COMMD1: variants seen among roughly 807,000 people sequenced by gnomAD.
COMMD1 encodes the protein COMM domain-containing protein 1.
Under a neutral mutation model 17.2 loss-of-function variants are expected in COMMD1, and 10 were observed. That is an observed-to-expected ratio of 0.58 (90% CI 0.36 to 0.99). COMMD1 has a LOEUF of 0.99. COMMD1 is among the 50% of genes least tolerant of loss of function. The pLI is 0.01. For missense variants in COMMD1, 270 were observed against 231.8 expected (o/e 1.17, Z -1.07); for synonymous variants, 97 against 91.6 (o/e 1.06, Z -0.34).
chr2:61,956,343 A>C (rs1671197955), intron 1 of COMMD1, among the ~76,000 whole-genome samples: 1 of 152,178 alleles, frequency 6.6e-6, no homozygotes, highest in Non-Finnish European at 1.5e-5. Context: ...TTATAATATC[A>C]CATATAGTAG....
rs574410510 is a variant in COMMD1, at chr2:62,041,912, G to A, written c.462+40930G>A. Among the ~76,000 whole-genome samples the A allele has an allele frequency of 2.0e-5, 3 of 152,222 alleles. No homozygotes were observed. The East Asian group carries it at 5.8e-4, about 29-fold the overall frequency. ...AGACCCAAAGAGTGAGCAGCAGCAA[G>A]ATTTATTGTGAAGAGTGAAAGAACT... On this transcript the variant is annotated intron_variant, in intron 2 of 2. Transcript: ENST00000311832.
At chr2:62,064,522 C>G (rs1159098370) in intron 2 of COMMD1, among the ~76,000 whole-genome samples, 1 of 152,114 alleles carries the variant, frequency 6.6e-6, no homozygotes, top group Non-Finnish European at 1.5e-5. Context: ...ATTGAGAGCT[C>G]ATGTGATCTC....
At chr2:61,913,057 T>A (rs1160067819) in intron 1 of COMMD1, among the ~76,000 whole-genome samples, 1 of 152,002 alleles carries the variant, frequency 6.6e-6, no homozygotes, top group African/African-American at 2.4e-5. Flanking sequence ...AGAGGGAGAC[T>A]CCATCTCTAA....
intron 1 of COMMD1, among the ~76,000 whole-genome samples, chr2:61,978,873 A>C (rs373598389): frequency 1.3e-5 from 2 of 152,294 alleles, no homozygotes; most frequent in East Asian, 3.9e-4. Context: ...ATGTGGATGG[A>C]TATTTTGATA....
chr2:62,124,051 G>C (rs1672824804), intron 2 of COMMD1, among the ~76,000 whole-genome samples: 1 of 152,182 alleles, frequency 6.6e-6, no homozygotes, highest in African/African-American at 2.4e-5. Context: ...TGTAATCCCA[G>C]CACTTTGGGA....
At position 61,913,322 on chromosome 2, in the gene COMMD1, G is replaced by A. The variant is rs1398402130; in HGVS notation, c.180+7464G>A. Among the ~76,000 whole-genome samples, 10 of 135,542 alleles carry A rather than the reference G, an allele frequency of 7.4e-5. No homozygotes were observed. In the East Asian group the frequency reaches 8.8e-4, roughly 12 times the overall value. 88.9% of individuals were successfully genotyped at this position (135,542 alleles called of 152,430 possible). A position where few individuals can be genotyped will look rare whatever the true frequency, so the allele number is the denominator to read the frequency against. On this transcript the variant is annotated intron_variant, in intron 1 of 2. Coordinates refer to ENST00000311832, the MANE Select transcript of COMMD1 (RefSeq NM_152516.4). Reference sequence around the variant, plus strand: ...GCGGAGGTTGTGGTGAGCCAAGATCGCACCACTGCACTCCAGCCTGGGCAA... The same window carrying A: ...GCGGAGGTTGTGGTGAGCCAAGATCACACCACTGCACTCCAGCCTGGGCAA...
chr2:62,071,483 C>G (rs941205027), intron 2 of COMMD1, among the ~76,000 whole-genome samples: 3 of 151,944 alleles, frequency 2.0e-5, no homozygotes, highest in Non-Finnish European at 4.4e-5. Flanking sequence ...CCTTAACTTC[C>G]TAGGAATGCA....
intron 2 of COMMD1, among the ~76,000 whole-genome samples, chr2:62,024,512 ATTTTGTAT>A (rs1279041170): frequency 1.3e-5 from 2 of 152,222 alleles, no homozygotes; most frequent in African/African-American, 4.8e-5. Context: ...TTAAACTGGA[ATTTTGTAT>A]TGAATCTTTC....
chr2:61,962,689 A>AT (rs1671385492), intron 1 of COMMD1, among the ~76,000 whole-genome samples: 1 of 152,112 alleles, frequency 6.6e-6, no homozygotes, highest in African/African-American at 2.4e-5. Flanking sequence ...GGAACCCCTG[A>AT]ATCCCTGGTG....
rs577340472 is a variant in COMMD1, at chr2:61,888,761, G to A, written n.38G>A. On this transcript the variant is annotated non_coding_transcript_exon_variant, in exon 1 of 3. Coordinates refer to the COMMD1 transcript ENST00000472729. ...GGGCTCCGGGCTGGCGAGATTGTAC[G>A]CCCGGGGCGCTGTGGGTGAAGAGCG... 9.6e-4 allele frequency: 499 copies of A among 518,610 alleles called. 8 individuals carry two copies. In the South Asian group the frequency reaches 0.012, roughly 13 times the overall value. 32.1% of individuals were successfully genotyped at this position (518,610 alleles called of 1,614,324 possible).
At chr2:62,009,339 T>C (rs1402408547) in intron 2 of COMMD1, among the ~76,000 whole-genome samples, 2 of 152,112 alleles carry the variant, frequency 1.3e-5, no homozygotes, top group East Asian at 1.9e-4. Flanking sequence ...GCATGGTGGC[T>C]CATGCCTGTA....
At chr2:61,903,265 G>C (rs1437455365), upstream of COMMD1, among the ~76,000 whole-genome samples, 3 of 151,946 alleles carry the variant, frequency 2.0e-5, no homozygotes, top group Non-Finnish European at 4.4e-5. Flanking sequence ...CCAACATGGT[G>C]AAACCCCTTC....
intron 1 of COMMD1, among the ~76,000 whole-genome samples, chr2:61,981,440 A>C (rs1408019633): frequency 2.6e-5 from 4 of 152,186 alleles, no homozygotes; most frequent in Non-Finnish European, 5.9e-5. Flanking sequence ...TTTGTCGAAA[A>C]TGAGTTCACT....
At chr2:61,908,359 T>G (rs569496885) in intron 1 of COMMD1, among the ~76,000 whole-genome samples, 247 of 151,846 alleles carry the variant, frequency 1.6e-3, no homozygotes, top group Non-Finnish European at 2.7e-3. Flanking sequence ...CCCGAGTAGC[T>G]GGGACTGCAG....
chr2:62,035,599 C>T (rs1342045187), intron 2 of COMMD1, among the ~76,000 whole-genome samples: 1 of 151,872 alleles, frequency 6.6e-6, no homozygotes, highest in Non-Finnish European at 1.5e-5. Context: ...ATTAGCTGGG[C>T]ATGGTGGTGC....
chr2:61,888,650 G>T (rs1669323432), upstream of COMMD1: 2 of 957,758 alleles, frequency 2.1e-6, no homozygotes, highest in Non-Finnish European at 1.5e-6. Context: ...AGGCGGAGGC[G>T]GAGAAGGGGG....
intron 2 of COMMD1, among the ~76,000 whole-genome samples, chr2:62,007,282 C>T (rs987123474): frequency 6.6e-6 from 1 of 151,960 alleles, no homozygotes; most frequent in Admixed American, 6.6e-5. Flanking sequence ...CTCATATGCT[C>T]ACTCCTGTCA....
chr2:62,039,827 A>G (rs751280470), intron 2 of COMMD1, among the ~76,000 whole-genome samples: 2 of 152,238 alleles, frequency 1.3e-5, no homozygotes, highest in Non-Finnish European at 2.9e-5. Flanking sequence ...CAAGAATTCC[A>G]TAGGAACTAT....
At chr2:62,017,542 C>T (rs1032259024) in intron 2 of COMMD1, among the ~76,000 whole-genome samples, 1 of 151,814 alleles carries the variant, frequency 6.6e-6, no homozygotes, top group Non-Finnish European at 1.5e-5. Flanking sequence ...TGGTGGTGCA[C>T]ACCTGTAGTC....
Sources: gnomAD v4.1 joint callset for allele counts (sites outside exome capture counted in the v4.1 genomes callset) on GRCh38, gnomAD v4.1.1 for gene constraint, MANE v1.5 for transcripts, NCBI Gene and HGNC (gene_info 2026-07-23, HGNC 2026-07-21) for gene names.